The following AP1G1 variants were observed in gnomAD, a reference collection of about 807,000 sequenced individuals.
AP1G1 encodes adaptor related protein complex 1 subunit gamma 1, also known as AP-1 complex subunit gamma-1.
A neutral mutation model predicts 108.3 loss-of-function variants in AP1G1; 7 were observed. That is an observed-to-expected ratio of 0.06 (90% CI 0.04 to 0.12). The LOEUF (loss-of-function observed/expected upper bound fraction) is 0.12, where lower values mean the gene tolerates loss of function less well. AP1G1 is among the 10% of genes least tolerant of loss of function. AP1G1 has a pLI of 1.00. For synonymous variants in AP1G1, 379 were observed against 353.5 expected (o/e 1.07, Z -0.81); for missense variants, 756 against 1,010.7 (o/e 0.75, Z 3.42).
intron 1 of AP1G1, among the ~76,000 whole-genome samples, chr16:71,803,231 AAAT>A (rs1567666889): frequency 1.3e-5 from 2 of 152,118 alleles, no homozygotes; most frequent in African/African-American, 2.4e-5. Context: ...ATAAATAAAT[AAAT>A]AATAAGATGT....
chr16:71,748,842 C>T (rs767946856), intron 15 of AP1G1, among the ~76,000 whole-genome samples: 5 of 151,978 alleles, frequency 3.3e-5, no homozygotes, highest in Non-Finnish European at 7.4e-5. Context: ...GAGACTTGGG[C>T]CTAAAGTGGT....
chr16:71,761,122 C>G (rs537202042), intron 10 of AP1G1, among the ~76,000 whole-genome samples: 2 of 152,270 alleles, frequency 1.3e-5, no homozygotes, highest in East Asian at 1.9e-4. Flanking sequence ...TTTTTTCATA[C>G]TAGCTCCCAA....
chr16:71,774,006 G>A (rs1020123138), intron 3 of AP1G1, among the ~76,000 whole-genome samples: 5 of 148,502 alleles, frequency 3.4e-5, no homozygotes, highest in Non-Finnish European at 7.4e-5. Context: ...CTGACCTCGT[G>A]ATCTGAGATC....
chr16:71,777,322 C>T (rs2031824367), intron 2 of AP1G1, among the ~76,000 whole-genome samples: 3 of 140,972 alleles, frequency 2.1e-5, no homozygotes, highest in South Asian at 2.4e-4. Flanking sequence ...GTGGGGGGAG[C>T]GGGAGGGAGG....
intron 2 of AP1G1, chr16:71,777,661 G>C (rs144874877): frequency 2.2e-6 from 1 of 457,170 alleles, no homozygotes. Context: ...CCTCCTCTTC[G>C]GCAGCTCTCT....
intron 2 of AP1G1, among the ~76,000 whole-genome samples, chr16:71,780,154 C>T (rs12149496): frequency 0.51 from 76,726 of 151,296 alleles, 19,816 homozygotes; most frequent in Middle Eastern, 0.65. Context: ...CCACTATATC[C>T]GGCTAATTTT....
intron 1 of AP1G1, among the ~76,000 whole-genome samples, chr16:71,793,920 G>T (rs1441739901): frequency 1.3e-5 from 2 of 152,090 alleles, no homozygotes; most frequent in Admixed American, 6.5e-5. Flanking sequence ...GTTTCATCAT[G>T]TTGCCCAGGC....
chr16:71,788,657 CTTT>C (rs10551804), intron 2 of AP1G1, among the ~76,000 whole-genome samples: 119 of 150,208 alleles, frequency 7.9e-4, no homozygotes, highest in African/African-American at 2.1e-3. Context: ...ATTTAGCAAG[CTTT>C]TTTTTTTAAA....
intron 6 of AP1G1, among the ~76,000 whole-genome samples, chr16:71,768,463 T>C (rs941037244): frequency 2.6e-5 from 3 of 115,982 alleles, no homozygotes; most frequent in Admixed American, 1.3e-4. Context: ...ATTGCACCAC[T>C]GCACCTCAGC....
intron 19 of AP1G1, among the ~76,000 whole-genome samples, chr16:71,744,571 G>GTTTTTTTT (rs71856788): frequency 8.7e-6 from 1 of 114,392 alleles, no homozygotes; most frequent in Non-Finnish European, 1.7e-5. Context: ...GAGAAAGTGT[G>GTTTTTTTT]TTTTTTTTTT....
chr16:71,766,635 C>G (rs549891888), intron 6 of AP1G1, among the ~76,000 whole-genome samples: 13,351 of 152,162 alleles, frequency 0.088, 619 homozygotes, highest in Middle Eastern at 0.11. Flanking sequence ...TCTGCTGCAA[C>G]TCAGTTATTT....
At position 71,745,548 on chromosome 16, in the gene AP1G1, C is replaced by T. The variant is rs1316378455; in HGVS notation, c.1797G>A (p.Val599=). The change falls in exon 18 of 23, where the codon GTG becomes GTA. Residue 599 remains valine (V), a synonymous_variant. Coordinates refer to ENST00000299980, the MANE Select transcript of AP1G1 (RefSeq NM_001128.6). ...CTGGTTCTGTCTCTCCATTTGTCTG[C>T]ACAATCTCAGTAGGGCCATTTGTGG... ...KVTTNGPTEI[V]QTNGETEPAP... is the part of the protein sequence containing the mutation. 4 of 1,614,012 alleles carry T rather than the reference C, an allele frequency of 2.5e-6. No individual in the cohort carries two copies. The highest frequency in any genetic ancestry group is 3.4e-6 in the Non-Finnish European group (4 of 1,180,030).
At chr16:71,806,700 T>A in intron 1 of AP1G1, 1 of 1,288,818 alleles carries the variant, frequency 7.8e-7, no homozygotes, top group Non-Finnish European at 1.0e-6. Flanking sequence ...TGAGTGAGCA[T>A]TACATAGGTG....
chr16:71,764,317 T>G (rs747457507), intron 9 of AP1G1, 33 bp downstream of exon 9: 2 of 1,344,122 alleles, frequency 1.5e-6, no homozygotes, highest in Non-Finnish European at 1.0e-6. Context: ...GTGAAACATT[T>G]AGGGGGGGAA....
chr16:71,785,536 T>C lies in AP1G1; in HGVS notation c.201+3743A>G, dbSNP rs139059634. ...GCTGCAATGAGCCAAGATTGTGCCATTGTACTCCAGCCTGAGTGACAAGAG... is the reference window on the plus strand; with the variant it reads ...GCTGCAATGAGCCAAGATTGTGCCACTGTACTCCAGCCTGAGTGACAAGAG... On this transcript the variant is annotated intron_variant, in intron 2 of 22. Transcript: ENST00000299980. Among the ~76,000 whole-genome samples, 8 of 137,348 alleles carry C rather than the reference T, an allele frequency of 5.8e-5. No individual in the cohort carries two copies. The East Asian group carries it at 6.4e-4, about 11-fold the overall frequency. The allele number at this position is 137,348 out of a possible 152,430, so 90.1% of individuals were successfully genotyped here.
chr16:71,777,804 C>T (rs1331547997), intron 2 of AP1G1: 4 of 406,032 alleles, frequency 9.9e-6, no homozygotes, highest in Non-Finnish European at 2.0e-5. Flanking sequence ...GTGCCCAACT[C>T]AGCCACTGCC....
rs986985285 is a variant in AP1G1 at position 71,731,407 on chromosome 16, G to A, written c.*1651C>T. The A allele has an allele frequency of 5.9e-5, 9 of 152,620 alleles. No individual in the cohort carries two copies. The highest frequency in any genetic ancestry group is 1.9e-4 in the African/African-American group (8 of 41,450). The allele number at this position is 152,620 out of a possible 1,614,324, so 9.5% of individuals were successfully genotyped here. ...AAGACACTGAAGATTTTAAGTAAAG[G>A]CTTGGTGAAATGAAGGGGAAAAAAA... On this transcript the variant is annotated 3_prime_UTR_variant, in exon 23 of 23. Transcript: ENST00000299980.
intron 11 of AP1G1, 24 bp downstream of exon 11, chr16:71,758,784 T>G: frequency 2.1e-6 from 3 of 1,417,928 alleles, no homozygotes; most frequent in Non-Finnish European, 2.0e-6. Context: ...AACACTAGAC[T>G]GAGAAAGGCT....
intron 1 of AP1G1, chr16:71,808,057 C>G (rs2033057106): frequency 8.5e-7 from 1 of 1,178,716 alleles, no homozygotes. Flanking sequence ...CGAGTCCTAA[C>G]CGGGAAACAC....
Sources: gnomAD v4.1 joint callset for allele counts (sites outside exome capture counted in the v4.1 genomes callset) on GRCh38, gnomAD v4.1.1 for gene constraint, MANE v1.5 for transcripts, NCBI Gene and HGNC (gene_info 2026-07-23, HGNC 2026-07-21) for gene names.